Variants in CLDN19 observed in about 807,000 individuals in gnomAD.
CLDN19 encodes claudin-19.
CLDN19 carries 19 observed loss-of-function variants against 24.5 expected under a neutral mutation model. That is an observed-to-expected ratio of 0.78 (90% CI 0.54 to 1.14). The LOEUF is 1.14. Among genes scored for constraint, CLDN19 ranks in the 50% most tolerant of loss-of-function variants. The pLI is 0.00. For missense variants in CLDN19, 250 were observed against 295.9 expected (o/e 0.84, Z 1.14); for synonymous variants, 117 against 129.6 (o/e 0.90, Z 0.66).
intron 3 of CLDN19, among the ~76,000 whole-genome samples, chr1:42,737,688 G>A (rs530768565): frequency 1.4e-4 from 21 of 152,182 alleles, no homozygotes; most frequent in Non-Finnish European, 2.2e-4. Flanking sequence ...TTGATTGATC[G>A]TTTGATTTTT....
intron 3 of CLDN19, among the ~76,000 whole-genome samples, chr1:42,736,750 G>C (rs534644665): frequency 6.6e-6 from 1 of 152,314 alleles, no homozygotes; most frequent in South Asian, 2.1e-4. Flanking sequence ...TGCTTGTCCG[G>C]CTCCCTGGGA....
Position 42,738,512 on chromosome 1 carries a change from T to A in CLDN19, c.297A>T (p.Val99=). ...LLGFVAMVLS[V]VGMKCTRVGD... ...CCACCCGCGTACACTTCATGCCAAC[T>A]ACGCTGAGGACCATGGCCACGAAGC... The change falls in exon 2 of 5, where the codon GTA becomes GTT. Residue 99 remains valine (V), a synonymous_variant. Transcript: ENST00000296387. The A allele has an allele frequency of 6.2e-7, 1 of 1,614,004 alleles. No homozygotes were observed. Among genetic ancestry groups the A allele is most frequent in the Non-Finnish European group, 8.5e-7 (1 of 1,180,024 alleles).
chr1:42,735,600 G>C (rs958266587), intron 4 of CLDN19: 2 of 1,425,312 alleles, frequency 1.4e-6, no homozygotes, highest in African/African-American at 2.9e-5. Context: ...TGTCTCCAGG[G>C]ATGCATGCTG....
chr1:42,733,760 C>G lies in CLDN19; in HGVS notation c.*1326G>C, dbSNP rs2124025830. 6.5e-6 allele frequency: 1 copy of G among 152,826 alleles called. No individual in the cohort carries two copies. The highest frequency in any genetic ancestry group is 2.1e-4 in the South Asian group (1 of 4,834). The allele number at this position is 152,826 out of a possible 1,614,324, so 9.5% of individuals were successfully genotyped here. On this transcript the variant is annotated 3_prime_UTR_variant, in exon 5 of 5. Transcript: ENST00000296387. ...GTTGTGCCCCGGTGGATGTGCAGCA[C>G]CGGCCAGGCCAGGCGCCGAGGGGTC...
Position 42,735,091 on chromosome 1 carries a change from C to T in CLDN19, c.670G>A (p.Val224Met), listed in dbSNP as rs766571498. 3 of 1,612,122 alleles carry T rather than the reference C, an allele frequency of 1.9e-6. No individual in the cohort carries two copies. The highest frequency in any genetic ancestry group is 8.5e-7 in the Non-Finnish European group (1 of 1,178,276). ...GCCTGGCTGGGGACTGGACATTACA[C>T]ACCCAGGGGGCCCTTGGCGGAGGCG... Reference protein sequence around the residue: ...LPASAKGPLGV With the variant: ...LPASAKGPLGM Residue 224 changes from valine (V) to methionine (M), a missense_variant, in exon 5 of 5, where the codon GTG (valine) becomes ATG (methionine). Coordinates refer to ENST00000296387, the MANE Select transcript of CLDN19 (RefSeq NM_148960.3).
chr1:42,738,351 G>GC, intron 2 of CLDN19, 38 bp from the exon 3 acceptor site: 1 of 1,612,780 alleles, frequency 6.2e-7, no homozygotes, highest in Non-Finnish European at 8.5e-7. Flanking sequence ...CTCTGCTCTG[G>GC]CCCCCCGAGG....
At chr1:42,738,185 G>A in intron 3 of CLDN19, 44 bp downstream of exon 3, 2 of 1,443,070 alleles carry the variant, frequency 1.4e-6, no homozygotes, top group African/African-American at 2.8e-5. Context: ...AAGGTCAGTG[G>A]CCCCAGAGGA....
rs140913043 is a variant in CLDN19 at position 42,739,999 on chromosome 1, A to G, written c.65T>C (p.Ile22Thr). 1,050 of 1,582,548 alleles carry G rather than the reference A, an allele frequency of 6.6e-4. 1 individual carries two copies. The highest frequency in any genetic ancestry group is 8.3e-4 in the Non-Finnish European group (965 of 1,164,058). The change falls in exon 1 of 5, where the codon ATT becomes ACT. Residue 22 changes from isoleucine (I) to threonine (T), a missense_variant. Coordinates refer to ENST00000296387, the MANE Select transcript of CLDN19 (RefSeq NM_148960.3). ...CCACTGTGGCAGGGCTGTGCTAGCA[A>G]TGATGCCCACCCAGCCACCCAGGGC... is the stretch of plus-strand genomic sequence containing the variant. Reference protein sequence around the residue: ...FLALGGWVGIIASTALPQWKQ... With the variant: ...FLALGGWVGITASTALPQWKQ...
intron 1 of CLDN19, among the ~76,000 whole-genome samples, chr1:42,739,551 C>A (rs1327277184): frequency 6.6e-6 from 1 of 152,144 alleles, no homozygotes; most frequent in African/African-American, 2.4e-5. Context: ...ATTAGTATTC[C>A]CCTTTAGAGA....
In CLDN19 at chr1:42,735,909, A is replaced by G; in HGVS notation, c.595T>C (p.Tyr199His). ...GCAGCAGCAGAGGGTCCAGGCCGAT[A>G]GGGCTGTGGGCTGCTGTTGGGTCTC... ...PERPNSSPQP[Y>H]RPGPSAAARE... Residue 199 changes from tyrosine to histidine, a missense_variant, in exon 4 of 5, where the codon TAT becomes CAT. Transcript: ENST00000296387. 2 of 1,581,008 alleles carry G rather than the reference A, an allele frequency of 1.3e-6. No homozygotes were observed. Among genetic ancestry groups the G allele is most frequent in the Non-Finnish European group, 1.7e-6 (2 of 1,163,332 alleles).
At chr1:42,735,523 C>A in intron 4 of CLDN19, 2 of 1,416,654 alleles carry the variant, frequency 1.4e-6, no homozygotes, top group Non-Finnish European at 1.8e-6. Flanking sequence ...ATCTCTAGGG[C>A]CCAGCACGTA....
rs1396212645 is a variant in CLDN19, at chr1:42,738,240, A to G, written c.462T>C (p.Pro154=). The G allele has an allele frequency of 6.2e-7, 1 of 1,613,578 alleles. No homozygotes were observed. The highest frequency in any genetic ancestry group is 8.5e-7 in the Non-Finnish European group (1 of 1,179,784). Residue 154 remains proline, a synonymous_variant, in exon 3 of 5, where the codon CCT becomes CCC. Transcript: ENST00000296387. The stretch of plus-strand genomic sequence containing the variant: ...GCCCTGGCACCCACCTGGCATTGAC[A>G]GGTGTGCTTGGGTTGAAGAACTCCT... ...VTQEFFNPST[P]VNARYEFGPA...
intron 1 of CLDN19, 24 bp downstream of exon 1, chr1:42,739,817 C>G (rs773203289): frequency 9.3e-6 from 15 of 1,606,344 alleles, no homozygotes; most frequent in African/African-American, 2.7e-5. Flanking sequence ...CTCCCATCTC[C>G]CACCCCGCCG....
intron 4 of CLDN19, 105 bp downstream of exon 4, chr1:42,735,773 C>G (rs1358672309): frequency 3.3e-6 from 5 of 1,533,486 alleles, no homozygotes; most frequent in Admixed American, 2.0e-5. Flanking sequence ...TATGCCCATC[C>G]TATGCCCCAG....
chr1:42,735,731 G>A, intron 4 of CLDN19, 147 bp downstream of exon 4: 1 of 1,474,288 alleles, frequency 6.8e-7, no homozygotes, highest in Non-Finnish European at 9.0e-7. Flanking sequence ...CAGGGTGGGT[G>A]CTTGTGTTGA....
At chr1:42,739,527 A>G (rs1651482017) in intron 1 of CLDN19, among the ~76,000 whole-genome samples, 1 of 152,248 alleles carries the variant, frequency 6.6e-6, no homozygotes, top group Non-Finnish European at 1.5e-5. Flanking sequence ...TGAGTCTTTC[A>G]GAGTGCCACA....
rs541801037 is a variant in CLDN19, at chr1:42,739,453, G to C, written c.223+388C>G. Among the ~76,000 whole-genome samples the C allele has an allele frequency of 3.3e-4, 51 of 152,362 alleles. No homozygotes were observed. In the South Asian group the frequency reaches 0.01, roughly 30 times the overall value. The stretch of plus-strand genomic sequence containing the variant: ...GCCTGGGAGCAGGACTAGGGAGCAG[G>C]TGTGCATCATACAGTGTGTGTCTGT... On this transcript the variant is annotated intron_variant, in intron 1 of 4. Coordinates refer to ENST00000296387, the MANE Select transcript of CLDN19 (RefSeq NM_148960.3).
At chr1:42,735,183 C>CA (rs1557549490) in intron 4 of CLDN19, 49 bp from the exon 5 acceptor site, 1 of 1,611,070 alleles carries the variant, frequency 6.2e-7, no homozygotes, top group Non-Finnish European at 8.5e-7. Context: ...GCTGTGGGGT[C>CA]GGGGGCAGGG....
In CLDN19 at chr1:42,735,104, C is replaced by G; in HGVS notation, c.657G>C (p.Lys219Asn). The G allele has an allele frequency of 6.2e-7, 1 of 1,613,878 alleles. No homozygotes were observed. The highest frequency in any genetic ancestry group is 8.5e-7 in the Non-Finnish European group (1 of 1,179,822). ...EPVVKLPASA[K>N]GPLGV ...CTGGACATTACACACCCAGGGGGCCCTTGGCGGAGGCGGGCAATTTAACAA... is the reference window on the plus strand; with the variant it reads ...CTGGACATTACACACCCAGGGGGCCGTTGGCGGAGGCGGGCAATTTAACAA... Residue 219 changes from lysine to asparagine, a missense_variant, in exon 5 of 5, where the codon AAG (lysine) becomes AAC (asparagine). Transcript: ENST00000296387.
Sources: gnomAD v4.1 joint callset for allele counts (sites outside exome capture counted in the v4.1 genomes callset) on GRCh38, gnomAD v4.1.1 for gene constraint, MANE v1.5 for transcripts, NCBI Gene and HGNC (gene_info 2026-07-23, HGNC 2026-07-21) for gene names.